PPM1E: variants seen among roughly 807,000 people sequenced by gnomAD.
PPM1E encodes the protein protein phosphatase, Mg2+/Mn2+ dependent 1E, also known as protein phosphatase 1E.
A neutral mutation model predicts 65.9 loss-of-function variants in PPM1E; 20 were observed. The ratio of observed to expected loss-of-function variants is 0.30; its 90% CI spans 0.21 to 0.44. The LOEUF is 0.44. Among genes scored for constraint, PPM1E ranks in the 20% least tolerant of loss-of-function variants. The probability of loss-of-function intolerance (pLI) is 1.00; values close to 1 mark genes in which losing one functional copy is unlikely to be tolerated. For missense variants in PPM1E, 713 were observed against 953.1 expected, an observed-to-expected ratio of 0.75 and a Z score of 3.32; for synonymous variants, 352 against 374.9, an observed-to-expected ratio of 0.94 and a Z score of 0.70.
chr17:58,915,918 A>T (rs2051678099), intron 1 of PPM1E, among the ~76,000 whole-genome samples: 1 of 152,180 alleles, frequency 6.6e-6, no homozygotes, highest in South Asian at 2.1e-4. Flanking sequence ...CAATTTTCTC[A>T]TCTATAAAAT....
chr17:58,777,322 T>C (rs955922003), intron 1 of PPM1E, among the ~76,000 whole-genome samples: 7 of 152,182 alleles, frequency 4.6e-5, no homozygotes, highest in African/African-American at 1.7e-4. Context: ...AATCTTAAAT[T>C]GAAAAACTTT....
At chr17:58,950,612 C>CT (rs1199695481) in intron 1 of PPM1E, among the ~76,000 whole-genome samples, 24 of 151,824 alleles carry the variant, frequency 1.6e-4, no homozygotes, top group Non-Finnish European at 3.1e-4. Context: ...TGTTTTCATT[C>CT]TTTTTTCTTT....
intron 1 of PPM1E, among the ~76,000 whole-genome samples, chr17:58,904,272 A>T (rs1407886506): frequency 6.6e-6 from 1 of 152,188 alleles, no homozygotes; most frequent in Non-Finnish European, 1.5e-5. Flanking sequence ...AAGAAATTTG[A>T]GTTGAAAGAG....
In PPM1E at chr17:58,980,276, G is replaced by C; in HGVS notation, c.1513G>C (p.Glu505Gln). 1 of 1,614,212 alleles carries C rather than the reference G, an allele frequency of 6.2e-7. No individual in the cohort carries two copies. Among genetic ancestry groups the C allele is most frequent in the Non-Finnish European group, 8.5e-7 (1 of 1,180,040 alleles). Residue 505 changes from glutamate (E) to glutamine (Q), a missense_variant, in exon 7 of 7, where the codon GAG (glutamate) becomes CAG (glutamine). Physicochemically the swap from Glu to Gln is conservative, Grantham distance 29. Transcript: ENST00000308249. This position sits in a 1 kb window ranked among gnomAD's most constrained non-coding sequence, Gnocchi z 4.7. ...VNVSEESDWTENSFQGGQEDG... is the reference protein window; with the variant it reads ...VNVSEESDWTQNSFQGGQEDG... The stretch of plus-strand genomic sequence containing the variant: ...TGTTAGTGAGGAATCAGATTGGACA[G>C]AGAACTCTTTTCAAGGAGGGCAAGA...
chr17:58,848,549 G>A (rs1344146735), intron 1 of PPM1E, among the ~76,000 whole-genome samples: 1 of 152,096 alleles, frequency 6.6e-6, no homozygotes, highest in East Asian at 1.9e-4. Flanking sequence ...TTTTGTCTTT[G>A]GTTCTGTTTA....
At chr17:58,778,934 A>ATATG (rs1442815172) in intron 1 of PPM1E, among the ~76,000 whole-genome samples, 3 of 81,378 alleles carry the variant, frequency 3.7e-5, no homozygotes, top group African/African-American at 1.8e-4. Context: ...ATACATATAT[A>ATATG]TATATATATA....
chr17:58,857,066 C>T (rs979218034), intron 1 of PPM1E, among the ~76,000 whole-genome samples: 2 of 152,180 alleles, frequency 1.3e-5, no homozygotes, highest in African/African-American at 4.8e-5. Flanking sequence ...TATACTTCGT[C>T]TCTCTACTTA....
chr17:58,783,513 AC>A (rs1287798347), intron 1 of PPM1E, among the ~76,000 whole-genome samples: 2 of 152,308 alleles, frequency 1.3e-5, no homozygotes, highest in Admixed American at 1.3e-4. Context: ...TTTAGGTACT[AC>A]CTTTGAGAAA....
intron 1 of PPM1E, among the ~76,000 whole-genome samples, chr17:58,756,702 C>T (rs1375491998): frequency 4.0e-5 from 6 of 150,692 alleles, no homozygotes; most frequent in Admixed American, 3.4e-4. Context: ...CTTGAAGCCG[C>T]TCTCCTGAGC....
intron 1 of PPM1E, among the ~76,000 whole-genome samples, chr17:58,828,752 C>T (rs919990434): frequency 6.6e-6 from 1 of 152,222 alleles, no homozygotes; most frequent in Admixed American, 6.5e-5. Flanking sequence ...GCATGAGCCA[C>T]TGTGCCTGGC....
chr17:58,985,103 TA>T lies in PPM1E; in HGVS notation c.*4076del, dbSNP rs2031675082. ...TCATGAGTGATCCTTCATATTTTAT[TA>T]AAAGTGTTCATTCAGGTAAGGTGTA... On this transcript the variant is annotated 3_prime_UTR_variant, in exon 7 of 7. Transcript: ENST00000308249. 1 of 152,684 alleles carries T rather than the reference TA, an allele frequency of 6.5e-6. No homozygotes were observed. Among genetic ancestry groups the T allele is most frequent in the Non-Finnish European group, 1.5e-5 (1 of 68,044 alleles). 9.5% of individuals were successfully genotyped at this position (152,684 alleles called of 1,614,324 possible).
chr17:58,857,515 G>T (rs2050895815), intron 1 of PPM1E, among the ~76,000 whole-genome samples: 1 of 152,064 alleles, frequency 6.6e-6, no homozygotes, highest in Admixed American at 6.5e-5. Context: ...GGTTAATAGG[G>T]TTACTGAGAG....
chr17:58,807,796 T>G (rs2050329801), intron 1 of PPM1E, among the ~76,000 whole-genome samples: 1 of 152,158 alleles, frequency 6.6e-6, no homozygotes, highest in Non-Finnish European at 1.5e-5. Context: ...AAAAGGTACT[T>G]AACCTCATTT....
chr17:58,867,008 T>G (rs1283005013), intron 1 of PPM1E, among the ~76,000 whole-genome samples: 2 of 151,868 alleles, frequency 1.3e-5, no homozygotes, highest in Non-Finnish European at 2.9e-5. Context: ...TGAGATGGAG[T>G]CTCATTCTGT....
intron 1 of PPM1E, among the ~76,000 whole-genome samples, chr17:58,832,778 A>G (rs1170137447): frequency 6.6e-6 from 1 of 151,340 alleles, no homozygotes; most frequent in South Asian, 2.1e-4. Context: ...TTTATTAACT[A>G]AACTACTGAC....
At chr17:58,930,035 G>T (rs1224648862) in intron 1 of PPM1E, among the ~76,000 whole-genome samples, 1 of 151,652 alleles carries the variant, frequency 6.6e-6, no homozygotes, top group Admixed American at 6.6e-5. Context: ...TTTTGTTTAC[G>T]GTCATACTAC....
At chr17:58,766,228 G>A (rs1422158335) in intron 1 of PPM1E, among the ~76,000 whole-genome samples, 1 of 113,350 alleles carries the variant, frequency 8.8e-6, no homozygotes, top group African/African-American at 3.5e-5. Flanking sequence ...TTGAGATGGA[G>A]TCTCGCTCTG....
At chr17:58,832,837 T>C (rs2050618454) in intron 1 of PPM1E, among the ~76,000 whole-genome samples, 1 of 152,162 alleles carries the variant, frequency 6.6e-6, no homozygotes, top group African/African-American at 2.4e-5. Context: ...TTTTTTGAGA[T>C]GGAGCCTCGC....
chr17:58,875,514 T>A (rs2051118428), intron 1 of PPM1E, among the ~76,000 whole-genome samples: 1 of 152,216 alleles, frequency 6.6e-6, no homozygotes, highest in Non-Finnish European at 1.5e-5. Flanking sequence ...CTCAGTGTTT[T>A]AAGTATTGCC....
Sources: gnomAD v4.1 joint callset for allele counts (sites outside exome capture counted in the v4.1 genomes callset) on GRCh38, gnomAD v4.1.1 for gene constraint, Gnocchi (gnomAD v3.1) non-coding constraint, MANE v1.5 for transcripts, NCBI Gene and HGNC (gene_info 2026-07-23, HGNC 2026-07-21) for gene names.